The following ARMC5 variants were observed in gnomAD, a reference collection of about 807,000 sequenced individuals.
The protein encoded by ARMC5 is armadillo repeat-containing protein 5.
A neutral mutation model predicts 60.5 loss-of-function variants in ARMC5; 28 were observed. The ratio of observed to expected loss-of-function variants is 0.46; its 90% CI spans 0.34 to 0.63. ARMC5 has a LOEUF of 0.63. Among genes scored for constraint, ARMC5 ranks in the 30% least tolerant of loss-of-function variants. ARMC5 has a pLI of 0.01. For missense variants in ARMC5, 1,189 were observed against 1,304.9 expected (o/e 0.91, Z 1.37); for synonymous variants, 680 against 607.3 (o/e 1.12, Z -1.76).
In ARMC5 at chr16:31,466,871, G is replaced by A. The variant is rs61734240; in HGVS notation, c.2790G>A (p.Gly930=). Residue 930 remains glycine (G), a synonymous_variant, in exon 6 of 6, where the codon GGG becomes GGA. Coordinates refer to ENST00000268314, the MANE Select transcript of ARMC5 (RefSeq NM_001105247.2). This position sits in a 1 kb window ranked among gnomAD's most constrained non-coding sequence, Gnocchi z 8.0. The part of the protein sequence containing the change: ...LLAVVMGIEL[G]ARVPA ...CTGTGGTGATGGGGATTGAGTTGGG[G>A]GCAAGGGTCCCTGCCTAGACTGTTG... The A allele has an allele frequency of 1.6e-3, 2,555 of 1,571,506 alleles. 4 individuals carry two copies. The highest frequency in any genetic ancestry group is 2.4e-3 in the Middle Eastern group (13 of 5,486).
At position 31,464,849 on chromosome 16, in the gene ARMC5, G is replaced by T; in HGVS notation, c.1826G>T (p.Arg609Leu). 3 of 1,598,492 alleles carry T rather than the reference G, an allele frequency of 1.9e-6. No homozygotes were observed. The highest frequency in any genetic ancestry group is 2.5e-6 in the Non-Finnish European group (3 of 1,178,384). ...GVAPDDWPAP[R>L]ARPTLHSRHR... is the part of the protein sequence containing the mutation. ...GCGCCTGACGATTGGCCGGCACCAC[G>T]TGCCCGGCCCACTCTCCACAGCCGG... The change falls in exon 4 of 6, where the codon CGT becomes CTT. Residue 609 changes from arginine to leucine, a missense_variant. Arg to Leu is a moderately radical substitution (Grantham distance 102). Coordinates refer to ENST00000268314, the MANE Select transcript of ARMC5 (RefSeq NM_001105247.2). The surrounding 1 kb of genome is among the most constrained non-coding windows in gnomAD (Gnocchi z 7.6).
rs768001866 is a variant in ARMC5 at position 31,464,585 on chromosome 16, G to A, written c.1562G>A (p.Arg521His). 17 of 1,584,758 alleles carry A rather than the reference G, an allele frequency of 1.1e-5. No individual in the cohort carries two copies. Among genetic ancestry groups the A allele is most frequent in the Non-Finnish European group, 1.4e-5 (16 of 1,170,012 alleles). The change falls in exon 4 of 6, where the codon CGC becomes CAC. Residue 521 changes from arginine (R) to histidine (H), a missense_variant. Around this residue, in one of 2 missense-constraint regions of ARMC5, gnomAD observed 862 missense variants for 1,071.2 expected, o/e 0.80. Transcript: ENST00000268314. The surrounding 1 kb of genome is among the most constrained non-coding windows in gnomAD (Gnocchi z 7.6). ...PAAAIEEPWG[R>H]EGPALLLLSR... The stretch of plus-strand genomic sequence containing the variant: ...GCCGCCATCGAGGAGCCTTGGGGAC[G>A]CGAAGGGCCAGCCCTGCTGCTGCTG...
In ARMC5 at chr16:31,466,301, G is replaced by A. The variant is rs1253444176; in HGVS notation, c.2220G>A (p.Leu740=). The A allele has an allele frequency of 1.9e-6, 3 of 1,613,720 alleles. No individual in the cohort carries two copies. Among genetic ancestry groups the A allele is most frequent in the Non-Finnish European group, 1.7e-6 (2 of 1,179,890 alleles). Residue 740 remains leucine, a synonymous_variant, in exon 6 of 6, where the codon CTG becomes CTA. Transcript: ENST00000268314. The surrounding 1 kb of genome is among the most constrained non-coding windows in gnomAD (Gnocchi z 8.0). ...CCCCTTGCCTCTATGAACCTCTGCT[G>A]GGCCCAGCCCCTGTCCCAGCTCCCG... ...SPSPCLYEPL[L]GPAPVPAPDL... is the part of the protein sequence containing the mutation.
Position 31,464,936 on chromosome 16 carries a change from C to T in ARMC5, c.1864+49C>T. On this transcript the variant is annotated intron_variant, in intron 4 of 5. Coordinates refer to ENST00000268314, the MANE Select transcript of ARMC5 (RefSeq NM_001105247.2). This position sits in a 1 kb window ranked among gnomAD's most constrained non-coding sequence, Gnocchi z 7.6. ...TCCTTGCCCCCATGTGAGTCCCCAT[C>T]CTCCCCCATGGCTTCCATGGGCCCA... is the stretch of plus-strand genomic sequence containing the variant. 6.2e-7 allele frequency: 1 copy of T among 1,612,036 alleles called. No homozygotes were observed. The highest frequency in any genetic ancestry group is 2.2e-5 in the East Asian group (1 of 44,794).
Position 31,467,035 on chromosome 16 carries a change from T to G in ARMC5, c.*146T>G. 1 of 1,118,128 alleles carries G rather than the reference T, an allele frequency of 8.9e-7. No individual in the cohort carries two copies. The highest frequency in any genetic ancestry group is 1.2e-6 in the Non-Finnish European group (1 of 841,614). The allele number at this position is 1,118,128 out of a possible 1,614,324, so 69.3% of individuals were successfully genotyped here. A position where few individuals can be genotyped will look rare whatever the true frequency, so the allele number is the denominator to read the frequency against. ...GGAACCGGACTCCAAGATGACGATC[T>G]AAAGACCCGGGAGCGAGAAGCCAAG... On this transcript the variant is annotated 3_prime_UTR_variant, in exon 6 of 6. Transcript: ENST00000268314.
In ARMC5 at chr16:31,464,510, C is replaced by T. The variant is rs369749403; in HGVS notation, c.1487C>T (p.Thr496Ile). 8 of 1,605,398 alleles carry T rather than the reference C, an allele frequency of 5.0e-6. No homozygotes were observed. Among genetic ancestry groups the T allele is most frequent in the Middle Eastern group, 1.7e-4 (1 of 6,042 alleles). ...MEPASPAPTP[T>I]SLRAPRTQRT... ...CCGGCCAGCCCCGCCCCGACCCCGA[C>T]CTCGCTGCGGGCACCACGCACCCAA... Residue 496 changes from threonine to isoleucine, a missense_variant, in exon 4 of 6, where the codon ACC becomes ATC. By Grantham distance (89) the Thr-to-Ile change is moderately conservative. Transcript: ENST00000268314. The surrounding 1 kb of genome is among the most constrained non-coding windows in gnomAD (Gnocchi z 7.6).
chr16:31,465,732 C>T (rs2082350936), intron 4 of ARMC5, 118 bp from the exon 5 acceptor site: 10 of 1,538,096 alleles, frequency 6.5e-6, no homozygotes, highest in Middle Eastern at 1.8e-4. Context: ...CTCTTCAGTG[C>T]CCTGATTTCT....
Position 31,462,237 on chromosome 16 carries a change from C to T in ARMC5, c.690C>T (p.Arg230=). The T allele has an allele frequency of 6.2e-7, 1 of 1,610,408 alleles. No individual in the cohort carries two copies. Among genetic ancestry groups the T allele is most frequent in the Non-Finnish European group, 8.5e-7 (1 of 1,180,022 alleles). ...ACCTGGCAGACTCACCCCAGCACCG[C>T]CTGGCCTTGGCACAGCAGGGAGCAG... The part of the protein sequence containing the change: ...LRNLADSPQH[R]LALAQQGAVR... The change falls in exon 3 of 6, where the codon CGC becomes CGT. Residue 230 remains arginine (R), a synonymous_variant. Coordinates refer to ENST00000268314, the MANE Select transcript of ARMC5 (RefSeq NM_001105247.2). This position sits in a 1 kb window ranked among gnomAD's most constrained non-coding sequence, Gnocchi z 7.2.
upstream of ARMC5, chr16:31,458,306 C>T (rs2082264036): frequency 8.3e-7 from 1 of 1,207,116 alleles, no homozygotes; most frequent in East Asian, 2.5e-5. Context: ...AGCGGTAAGG[C>T]TTTTAGCGGT....
chr16:31,466,537 C>A lies in ARMC5; in HGVS notation c.2456C>A (p.Pro819His). 6.2e-7 allele frequency: 1 copy of A among 1,608,222 alleles called. No individual in the cohort carries two copies. Among genetic ancestry groups the A allele is most frequent in the Non-Finnish European group, 8.5e-7 (1 of 1,179,330 alleles). ...CGGGGGTGTGGGGCTGCCCTGGGGC[C>A]CGTGCCCCCACCAGGCCAGCCCCTG... is the stretch of plus-strand genomic sequence containing the variant. ...GCRGCGAALG[P>H]VPPPGQPLLG... The change falls in exon 6 of 6, where the codon CCC (proline) becomes CAC (histidine). Residue 819 changes from proline (P) to histidine (H), a missense_variant. By Grantham distance (77) the Pro-to-His change is moderately conservative. Around this residue, in one of 2 missense-constraint regions of ARMC5, gnomAD observed 862 missense variants for 1,071.2 expected, o/e 0.80. Coordinates refer to ENST00000268314, the MANE Select transcript of ARMC5 (RefSeq NM_001105247.2). This position sits in a 1 kb window ranked among gnomAD's most constrained non-coding sequence, Gnocchi z 8.0.
At chr16:31,458,520 G>T (rs574377200), upstream of ARMC5, 61 of 1,534,248 alleles carry the variant, frequency 4.0e-5, 1 homozygote, top group Non-Finnish European at 4.9e-5. Context: ...TGTCACCAGA[G>T]GGGCTGCCTT....
rs1283775512 is a variant in ARMC5 at position 31,466,531 on chromosome 16, T to C, written c.2450T>C (p.Leu817Pro). 6.2e-7 allele frequency: 1 copy of C among 1,608,232 alleles called. No homozygotes were observed. Among genetic ancestry groups the C allele is most frequent in the Non-Finnish European group, 8.5e-7 (1 of 1,179,366 alleles). ...GGTTGTCGGGGGTGTGGGGCTGCCC[T>C]GGGGCCCGTGCCCCCACCAGGCCAG... ...LHGCRGCGAA[L>P]GPVPPPGQPL... is the part of the protein sequence containing the mutation. Residue 817 changes from leucine to proline, a missense_variant, in exon 6 of 6, where the codon CTG becomes CCG. Physicochemically the swap from Leu to Pro is moderately conservative, Grantham distance 98 (BLOSUM62 -3). Transcript: ENST00000268314. This position sits in a 1 kb window ranked among gnomAD's most constrained non-coding sequence, Gnocchi z 8.0.
rs1188414404 is a variant in ARMC5, at chr16:31,461,944, G to A, written c.498G>A (p.Lys166=). 6.2e-7 allele frequency: 1 copy of A among 1,614,078 alleles called. No individual in the cohort carries two copies. The highest frequency in any genetic ancestry group is 1.3e-5 in the African/African-American group (1 of 74,932). The change falls in exon 2 of 6, where the codon AAG becomes AAA. Residue 166 remains lysine (K), a synonymous_variant. Coordinates refer to ENST00000268314, the MANE Select transcript of ARMC5 (RefSeq NM_001105247.2). ...CAGTGACCATTCTTCAGTGCATGAA[G>A]ACAGACAGCATCCAGAACCGAACGG... The part of the protein sequence containing the change: ...LPLVTILQCM[K]TDSIQNRTAR...
At chr16:31,461,808 G>A (rs1045589334) in intron 1 of ARMC5, 114 bp from the exon 2 acceptor site, 10 of 907,190 alleles carry the variant, frequency 1.1e-5, no homozygotes, top group South Asian at 3.0e-5. Flanking sequence ...GTGCCCTGCC[G>A]ACCATTAGCC....
rs1355830012 is a variant in ARMC5, at chr16:31,462,877, A to G, written c.1330A>G (p.Thr444Ala). The change falls in exon 3 of 6, where the codon ACC becomes GCC. Residue 444 changes from threonine to alanine, a missense_variant. Around this residue, in one of 2 missense-constraint regions of ARMC5, gnomAD observed 862 missense variants for 1,071.2 expected, o/e 0.80. Coordinates refer to ENST00000268314, the MANE Select transcript of ARMC5 (RefSeq NM_001105247.2). This position sits in a 1 kb window ranked among gnomAD's most constrained non-coding sequence, Gnocchi z 7.2. ...AASWDFPEER[T>A]PERAQGGSFR... ...TTCCTGGGACTTTCCTGAGGAGAGG[A>G]CCCCTGAGCGGGCACAGGGTGGAAG... The G allele has an allele frequency of 6.2e-7, 1 of 1,611,230 alleles. No individual in the cohort carries two copies. Among genetic ancestry groups the G allele is most frequent in the Non-Finnish European group, 8.5e-7 (1 of 1,178,826 alleles).
Position 31,466,405 on chromosome 16 carries a change from G to A in ARMC5, c.2324G>A (p.Arg775Gln), listed in dbSNP as rs759686063. 8 of 1,612,132 alleles carry A rather than the reference G, an allele frequency of 5.0e-6. No homozygotes were observed. The highest frequency in any genetic ancestry group is 1.7e-5 in the Admixed American group (1 of 59,992). ...AASATASPFF[R>Q]ALLSGSFAEA... Reference sequence around the variant, plus strand: ...TCAGCCACCGCCTCCCCTTTCTTCCGGGCCCTGCTGTCAGGCAGCTTTGCA... The same window carrying A: ...TCAGCCACCGCCTCCCCTTTCTTCCAGGCCCTGCTGTCAGGCAGCTTTGCA... Residue 775 changes from arginine to glutamine, a missense_variant, in exon 6 of 6, where the codon CGG (arginine) becomes CAG (glutamine). This residue lies in a region of ARMC5 where 862 missense variants were observed against 1,071.2 expected (regional missense o/e 0.80). Transcript: ENST00000268314. This position sits in a 1 kb window ranked among gnomAD's most constrained non-coding sequence, Gnocchi z 8.0.
At position 31,464,787 on chromosome 16, in the gene ARMC5, C is replaced by T. The variant is rs374887033; in HGVS notation, c.1764C>T (p.Gly588=). The T allele has an allele frequency of 1.7e-4, 273 of 1,598,766 alleles. No homozygotes were observed. Among genetic ancestry groups the T allele is most frequent in the East Asian group, 3.1e-4 (14 of 44,800 alleles). Residue 588 remains glycine, a synonymous_variant, in exon 4 of 6, where the codon GGC becomes GGT. Transcript: ENST00000268314. The surrounding 1 kb of genome is among the most constrained non-coding windows in gnomAD (Gnocchi z 7.6). ...TCGAGGCCTTCGTGCGCAGCTATGG[C>T]GCGGCGCTGCTGCGGGCCTGGCTGG... ...ACLEAFVRSY[G]AALLRAWLVL...
At position 31,466,203 on chromosome 16, in the gene ARMC5, C is replaced by T. The variant is rs762976973; in HGVS notation, c.2122C>T (p.Leu708Phe). ...CTTTGCCGCGGACTCCCTTTCCTGC[C>T]TCCAAGACCTGGTGTCTCCCACTGT... The part of the protein sequence containing the change: ...LFFAADSLSC[L>F]QDLVSPTVSP... The change falls in exon 6 of 6, where the codon CTC becomes TTC. Residue 708 changes from leucine to phenylalanine, a missense_variant. Coordinates refer to ENST00000268314, the MANE Select transcript of ARMC5 (RefSeq NM_001105247.2). The surrounding 1 kb of genome is among the most constrained non-coding windows in gnomAD (Gnocchi z 8.0). 6.2e-7 allele frequency: 1 copy of T among 1,613,432 alleles called. No individual in the cohort carries two copies. The highest frequency in any genetic ancestry group is 8.5e-7 in the Non-Finnish European group (1 of 1,179,892).
At chr16:31,463,994 C>T (rs929683378) in intron 3 of ARMC5, among the ~76,000 whole-genome samples, 1 of 152,176 alleles carries the variant, frequency 6.6e-6, no homozygotes, top group Non-Finnish European at 1.5e-5. Context: ...CTTTACCTCC[C>T]TCCAAGACAG....
Sources: gnomAD v4.1 joint callset for allele counts (sites outside exome capture counted in the v4.1 genomes callset) on GRCh38, gnomAD v4.1.1 for gene constraint, gnomAD v4.1.1 regional missense constraint, Gnocchi (gnomAD v3.1) non-coding constraint, MANE v1.5 for transcripts, NCBI Gene and HGNC (gene_info 2026-07-23, HGNC 2026-07-21) for gene names.